CCDC141: variants seen among roughly 807,000 people sequenced by gnomAD.
The protein encoded by CCDC141 is coiled-coil domain-containing protein 141.
Under a neutral mutation model 181.0 loss-of-function variants are expected in CCDC141, and 168 were observed. The observed-to-expected ratio is 0.93, with a 90% CI of 0.82 to 1.05. The LOEUF is 1.05. Among genes scored for constraint, CCDC141 ranks in the 50% least tolerant of loss-of-function variants. The pLI, the probability that CCDC141 is intolerant of heterozygous loss-of-function variation, is 0.00. For missense variants in CCDC141, 1,902 were observed against 1,788.5 expected (o/e 1.06, Z -1.14); for synonymous variants, 666 against 642.3 (o/e 1.04, Z -0.56).
chr2:178,908,984 C>G (rs1465901794), intron 7 of CCDC141, among the ~76,000 whole-genome samples: 1 of 152,120 alleles, frequency 6.6e-6, no homozygotes, highest in Non-Finnish European at 1.5e-5. Flanking sequence ...AAGAGCATGG[C>G]CACCTGGTGC....
intron 11 of CCDC141, among the ~76,000 whole-genome samples, chr2:178,879,546 T>G (rs928179889): frequency 1.3e-5 from 2 of 152,210 alleles, no homozygotes; most frequent in Non-Finnish European, 2.9e-5. Context: ...GTTAAAATGC[T>G]ACTTCCTCCA....
At chr2:178,883,702 C>T (rs989270451) in intron 11 of CCDC141, among the ~76,000 whole-genome samples, 12 of 152,080 alleles carry the variant, frequency 7.9e-5, no homozygotes, top group East Asian at 5.8e-4. Context: ...AACCAGCACC[C>T]ATCTGCCTGA....
intron 2 of CCDC141, among the ~76,000 whole-genome samples, chr2:179,005,759 G>A (rs13026189): frequency 0.46 from 70,120 of 151,994 alleles, 18,405 homozygotes; most frequent in East Asian, 0.63. Flanking sequence ...ATAGGCATGT[G>A]CCACCAAGCC....
chr2:178,894,566 C>G (rs975098730), intron 8 of CCDC141, among the ~76,000 whole-genome samples: 28 of 150,832 alleles, frequency 1.9e-4, no homozygotes, highest in African/African-American at 6.6e-4. Context: ...AACAAAAAGT[C>G]AGAAATAAAA....
At chr2:178,826,259 G>A (rs776029378), downstream of CCDC141, among the ~76,000 whole-genome samples, 4 of 152,136 alleles carry the variant, frequency 2.6e-5, no homozygotes, top group Non-Finnish European at 4.4e-5. Flanking sequence ...TGAAAGAGCC[G>A]TATATACCTA....
At chr2:178,913,272 G>A (rs1300076276) in intron 7 of CCDC141, among the ~76,000 whole-genome samples, 1 of 152,212 alleles carries the variant, frequency 6.6e-6, no homozygotes, top group Admixed American at 6.5e-5. Flanking sequence ...AAGACAGGCT[G>A]CTGAGGAATT....
At chr2:178,937,182 A>G (rs1040420045) in intron 6 of CCDC141, among the ~76,000 whole-genome samples, 1 of 152,170 alleles carries the variant, frequency 6.6e-6, no homozygotes, top group Non-Finnish European at 1.5e-5. Context: ...TTTCAAGGGA[A>G]AGGCTTCCAG....
intron 6 of CCDC141, among the ~76,000 whole-genome samples, chr2:178,933,356 G>A (rs1340583948): frequency 1.3e-5 from 2 of 152,176 alleles, no homozygotes; most frequent in African/African-American, 4.8e-5. Flanking sequence ...AAATGTCTAA[G>A]TTGGTGCCTC....
intron 2 of CCDC141, among the ~76,000 whole-genome samples, chr2:179,007,349 A>AT (rs2042146517): frequency 6.6e-6 from 1 of 152,116 alleles, no homozygotes; most frequent in South Asian, 2.1e-4. Flanking sequence ...CCTAATCCAC[A>AT]TTTTTCATGG....
chr2:179,024,221 A>G (rs2042767043), intron 2 of CCDC141, among the ~76,000 whole-genome samples: 1 of 152,240 alleles, frequency 6.6e-6, no homozygotes, highest in African/African-American at 2.4e-5. Context: ...TACATTAATA[A>G]TTGAATCTTC....
At chr2:179,031,180 CAT>C (rs981827976) in intron 2 of CCDC141, among the ~76,000 whole-genome samples, 43 of 146,446 alleles carry the variant, frequency 2.9e-4, no homozygotes, top group African/African-American at 9.6e-4. Context: ...ATAAATTAAA[CAT>C]ATTATTAAAT....
At position 178,830,548 on chromosome 2, in the gene CCDC141, A is replaced by T. The variant is rs1398111809; in HGVS notation, c.*3625T>A. On this transcript the variant is annotated 3_prime_UTR_variant, in exon 24 of 24. Coordinates refer to ENST00000443758, the MANE Select transcript of CCDC141 (RefSeq NM_173648.4). ...TACCTTTGGCAACAATTCAATTCAA[A>T]AGAGTTTACTGAGTGTGACTGTGTC... is the stretch of plus-strand genomic sequence containing the variant. 6.6e-6 allele frequency: 1 copy of T among 152,226 alleles called. No individual in the cohort carries two copies. Among genetic ancestry groups the T allele is most frequent in the East Asian group, 1.9e-4 (1 of 5,204 alleles). The allele number at this position is 152,226 out of a possible 1,614,324, so 9.4% of individuals were successfully genotyped here.
intron 2 of CCDC141, among the ~76,000 whole-genome samples, chr2:179,014,123 T>G (rs1036604679): frequency 1.3e-5 from 2 of 151,716 alleles, no homozygotes; most frequent in Non-Finnish European, 2.9e-5. Context: ...ACCCAAATAC[T>G]CACAGCCAAC....
chr2:179,032,671 G>C (rs1429595188), intron 2 of CCDC141, among the ~76,000 whole-genome samples: 1 of 152,144 alleles, frequency 6.6e-6, no homozygotes, highest in East Asian at 1.9e-4. Flanking sequence ...CATCATCCTT[G>C]TCATACATGT....
chr2:178,865,859 C>A lies in CCDC141; in HGVS notation c.2632G>T (p.Asp878Tyr). Residue 878 changes from aspartate (D) to tyrosine (Y), a missense_variant, in exon 17 of 24, where the codon GAC becomes TAC. Physicochemically the swap from Asp to Tyr is radical, Grantham distance 160. Transcript: ENST00000443758. ...GCTTTGGCACGCCACTTCATGCTGT[C>A]CTCCTCAAGGAGCTCCAGCTGCTGC... ...LQQQLELLEE[D>Y]SMKWRAKAEE... 6.2e-7 allele frequency: 1 copy of A among 1,605,946 alleles called. No individual in the cohort carries two copies. The highest frequency in any genetic ancestry group is 8.5e-7 in the Non-Finnish European group (1 of 1,175,746).
intron 4 of CCDC141, among the ~76,000 whole-genome samples, chr2:178,971,604 A>G (rs1690890914): frequency 6.6e-6 from 1 of 152,252 alleles, no homozygotes. Context: ...TCATTCTACT[A>G]TGAAGACACA....
chr2:178,890,860 AT>A (rs1687114868), intron 8 of CCDC141, among the ~76,000 whole-genome samples: 1 of 152,112 alleles, frequency 6.6e-6, no homozygotes, highest in South Asian at 2.1e-4. Context: ...AATAGCTACT[AT>A]TTAATACATT....
intron 2 of CCDC141, among the ~76,000 whole-genome samples, chr2:178,991,645 T>C (rs1251881297): frequency 6.6e-6 from 1 of 152,012 alleles, no homozygotes; most frequent in Non-Finnish European, 1.5e-5. Flanking sequence ...TATAGTTAAT[T>C]ATTATATATT....
chr2:178,855,785 C>A (rs1256861523), intron 18 of CCDC141, among the ~76,000 whole-genome samples: 2 of 152,094 alleles, frequency 1.3e-5, no homozygotes, highest in South Asian at 2.1e-4. Flanking sequence ...GTAATATGAT[C>A]TTTTTTAAAG....
Sources: gnomAD v4.1 joint callset for allele counts (sites outside exome capture counted in the v4.1 genomes callset) on GRCh38, gnomAD v4.1.1 for gene constraint, MANE v1.5 for transcripts, NCBI Gene and HGNC (gene_info 2026-07-23, HGNC 2026-07-21) for gene names.